RIF1: variants seen among roughly 807,000 people sequenced by gnomAD.
RIF1 encodes the protein telomere-associated protein RIF1.
In RIF1, 45 loss-of-function variants were observed where a neutral mutation model predicts 247.1. That is an observed-to-expected ratio of 0.18 (90% CI 0.14 to 0.23). The LOEUF (loss-of-function observed/expected upper bound fraction) is 0.23, where lower values mean the gene tolerates loss of function less well. RIF1 is among the 10% of genes least tolerant of loss of function. The probability of loss-of-function intolerance (pLI) is 1.00; values close to 1 mark genes in which losing one functional copy is unlikely to be tolerated. For synonymous variants in RIF1, 1,087 were observed against 978.8 expected (o/e 1.11, Z -2.06); for missense variants, 2,967 against 2,862.5 (o/e 1.04, Z -0.83).
At chr2:151,456,462 A>G (rs1402091751) in intron 22 of RIF1, 116 bp from the exon 23 acceptor site, 2 of 600,948 alleles carry the variant, frequency 3.3e-6, no homozygotes, top group Non-Finnish European at 5.8e-6. Context: ...GCACCTTTTT[A>G]TATCATCAAT....
At chr2:151,444,419 C>T (rs1692885961) in intron 18 of RIF1, among the ~76,000 whole-genome samples, 1 of 152,208 alleles carries the variant, frequency 6.6e-6, no homozygotes, top group African/African-American at 2.4e-5. Flanking sequence ...AAGCGATTCT[C>T]CTGTTTCAGC....
chr2:151,421,002 T>A (rs1157145072), intron 7 of RIF1, among the ~76,000 whole-genome samples: 3 of 152,176 alleles, frequency 2.0e-5, no homozygotes, highest in Non-Finnish European at 4.4e-5. Context: ...TACTGTATAA[T>A]CCCAGTAGAT....
the RIF1 span, among the ~76,000 whole-genome samples, chr2:151,514,639 A>C: frequency 6.6e-6 from 1 of 152,354 alleles, no homozygotes; most frequent in Non-Finnish European, 1.5e-5. Flanking sequence ...TAATATTCAA[A>C]TAAAAAATTA....
chr2:151,463,828 T>C lies in RIF1; in HGVS notation c.4308T>C (p.Asn1436=), dbSNP rs772472728. 6 of 1,611,184 alleles carry C rather than the reference T, an allele frequency of 3.7e-6. No homozygotes were observed. Among genetic ancestry groups the C allele is most frequent in the Non-Finnish European group, 3.4e-6 (4 of 1,179,364 alleles). Residue 1436 remains asparagine (N), a synonymous_variant, in exon 30 of 36, where the codon AAT becomes AAC. Transcript: ENST00000444746. ...ESTTESQDKE[N]SHQKKERRKE... Reference sequence around the variant, plus strand: ...CCACTGAAAGCCAAGATAAGGAAAATAGTCATCAAAAAAAGGAACGACGTA... The same window carrying C: ...CCACTGAAAGCCAAGATAAGGAAAACAGTCATCAAAAAAAGGAACGACGTA...
intron 29 of RIF1, 61 bp downstream of exon 29, chr2:151,462,527 T>C: frequency 9.5e-7 from 1 of 1,056,526 alleles, no homozygotes; most frequent in Non-Finnish European, 1.4e-6. Flanking sequence ...TACAGTCTGT[T>C]AAACTGCTGA....
At chr2:151,500,146 C>A (rs1237636975) in intron 11 of RIF1, among the ~76,000 whole-genome samples, 1 of 151,928 alleles carries the variant, frequency 6.6e-6, no homozygotes, top group African/African-American at 2.4e-5. Context: ...GACATATTAA[C>A]ATTGAAAATT....
At chr2:151,514,310 G>A in the RIF1 span, 3 of 1,579,286 alleles carry the variant, frequency 1.9e-6, no homozygotes, top group South Asian at 2.2e-5. Context: ...AGTCAGCTGT[G>A]GGCCTACCTC....
chr2:151,424,382 G>A (rs1234365260), intron 8 of RIF1, among the ~76,000 whole-genome samples: 2 of 152,174 alleles, frequency 1.3e-5, no homozygotes, highest in Admixed American at 6.6e-5. Flanking sequence ...GATTATAGGC[G>A]TGAGCCACCG....
At chr2:151,473,703 C>T (rs2048756578) in intron 34 of RIF1, among the ~76,000 whole-genome samples, 1 of 152,098 alleles carries the variant, frequency 6.6e-6, no homozygotes, top group African/African-American at 2.4e-5. Flanking sequence ...TCTTAGCTGC[C>T]ATGGCTATAT....
At chr2:151,531,847 A>G in the RIF1 span, 1 of 1,612,904 alleles carries the variant, frequency 6.2e-7, no homozygotes, top group Non-Finnish European at 8.5e-7. Flanking sequence ...AGTATCCACA[A>G]TTGAGGTAAA....
At chr2:151,485,458 T>C (rs769231499), downstream of RIF1, 20 of 235,422 alleles carry the variant, frequency 8.5e-5, no homozygotes, top group Admixed American at 1.6e-4. Flanking sequence ...ACATCTCTGC[T>C]ATTTTTCCTT....
intron 8 of RIF1, among the ~76,000 whole-genome samples, chr2:151,428,194 A>T (rs1041938220): frequency 9.9e-5 from 15 of 152,226 alleles, no homozygotes. Context: ...GCACCACTGC[A>T]CTGTAGCCTG....
rs1184030244 is a variant in RIF1 at position 151,477,317 on chromosome 2, TA to T, written c.*2250del. 6.6e-6 allele frequency: 1 copy of T among 152,198 alleles called. No homozygotes were observed. The highest frequency in any genetic ancestry group is 1.5e-5 in the Non-Finnish European group (1 of 68,024). 9.4% of individuals were successfully genotyped at this position (152,198 alleles called of 1,614,324 possible). On this transcript the variant is annotated 3_prime_UTR_variant, in exon 36 of 36. Transcript: ENST00000444746. ...TTTTCAGATCTTTTCTAATGGTTAA[TA>T]AAACAAATGTCAGATCATAATAACA... is the stretch of plus-strand genomic sequence containing the variant.
chr2:151,495,611 G>A (rs1047435366), intron 10 of RIF1, among the ~76,000 whole-genome samples: 1 of 152,136 alleles, frequency 6.6e-6, no homozygotes, highest in Non-Finnish European at 1.5e-5. Flanking sequence ...CAGAGCACAA[G>A]CTTACGGGAA....
chr2:151,500,019 T>C (rs979448127), intron 11 of RIF1, among the ~76,000 whole-genome samples: 1 of 152,220 alleles, frequency 6.6e-6, no homozygotes, highest in African/African-American at 2.4e-5. Context: ...ATAATATACT[T>C]ACTGTAGTAT....
intron 11 of RIF1, chr2:151,502,664 GT>G: frequency 1.5e-6 from 1 of 657,612 alleles, no homozygotes; most frequent in South Asian, 1.8e-5. Context: ...TTAGATTTGG[GT>G]TGAAAACTGA....
At chr2:151,462,188 AATTGTAAGAATATC>A in intron 27 of RIF1, 40 bp from the exon 28 acceptor site, 1 of 1,262,808 alleles carries the variant, frequency 7.9e-7, no homozygotes. Context: ...TTTAATTTCT[AATTGTAAGAATATC>A]ATCCGGTTTT....
chr2:151,509,859 C>T (rs186003676), downstream of RIF1, among the ~76,000 whole-genome samples: 32 of 152,294 alleles, frequency 2.1e-4, no homozygotes, highest in Non-Finnish European at 4.0e-4. Context: ...CCACCCACCT[C>T]GGTCTCCCAA....
intron 10 of RIF1, among the ~76,000 whole-genome samples, chr2:151,499,032 A>G (rs186496961): frequency 0.01 from 269 of 26,322 alleles, 2 homozygotes; most frequent in Middle Eastern, 0.031. Flanking sequence ...CCAAAGCAGT[A>G]TAAATGTGGA....
Sources: gnomAD v4.1 joint callset for allele counts (sites outside exome capture counted in the v4.1 genomes callset) on GRCh38, gnomAD v4.1.1 for gene constraint, MANE v1.5 for transcripts, NCBI Gene and HGNC (gene_info 2026-07-23, HGNC 2026-07-21) for gene names.